Variants in TOMM40 observed in about 807,000 individuals in gnomAD.
The protein encoded by TOMM40 is translocase of outer mitochondrial membrane 40, also known as mitochondrial import receptor subunit TOM40 homolog.
TOMM40 carries 9 observed loss-of-function variants against 38.4 expected under a neutral mutation model. That is an observed-to-expected ratio of 0.23 (90% CI 0.14 to 0.41). The LOEUF (loss-of-function observed/expected upper bound fraction) is 0.41, where lower values mean the gene tolerates loss of function less well. TOMM40 is among the 10% of genes least tolerant of loss of function. TOMM40 has a pLI of 1.00. For synonymous variants in TOMM40, 184 were observed against 210.0 expected (o/e 0.88, Z 1.07); for missense variants, 299 against 486.5 (o/e 0.61, Z 3.63).
intron 3 of TOMM40, 101 bp downstream of exon 3, chr19:44,893,030 C>T (rs746320410): frequency 1.4e-5 from 13 of 943,616 alleles, no homozygotes; most frequent in Admixed American, 2.4e-5. Context: ...TCACAGCTAC[C>T]GAGAGCCTGG....
rs748290952 is a variant in TOMM40 at position 44,900,824 on chromosome 19, T to A, written c.738T>A (p.Thr246=). 4 of 1,614,006 alleles carry A rather than the reference T, an allele frequency of 2.5e-6. No individual in the cohort carries two copies. The African/African-American group carries it at 5.3e-5, about 22-fold the overall frequency. Residue 246 remains threonine (T), a synonymous_variant, in exon 6 of 9, where the codon ACT becomes ACA. Coordinates refer to ENST00000426677, the MANE Select transcript of TOMM40 (RefSeq NM_001128917.2). ...ACCGGCGGCCTGGAGAGGAGGGCAC[T>A]GTCATGTCTCTAGCTGGGAAATACA... ...VYHRRPGEEG[T]VMSLAGKYTL... is the part of the protein sequence containing the mutation.
chr19:44,900,605 G>A (rs766570526), intron 5 of TOMM40, 125 bp from the exon 6 acceptor site: 611 of 1,565,872 alleles, frequency 3.9e-4, no homozygotes, highest in Non-Finnish European at 5.0e-4. Flanking sequence ...GGAGAAAGGA[G>A]CCCTTGAGGG....
rs1969485125 is a variant in TOMM40 at position 44,892,471 on chromosome 19, C to T, written c.342+11C>T. Reference sequence around the variant, plus strand: ...AGTAACCATTTTCAGGTGAGCCTTCCTGGTGTCCTTACCCACCAGAGATCG... The same window carrying T: ...AGTAACCATTTTCAGGTGAGCCTTCTTGGTGTCCTTACCCACCAGAGATCG... On this transcript the variant is annotated intron_variant, in intron 2 of 8. Transcript: ENST00000426677. 1 of 1,611,866 alleles carries T rather than the reference C, an allele frequency of 6.2e-7. No homozygotes were observed. Among genetic ancestry groups the T allele is most frequent in the African/African-American group, 1.3e-5 (1 of 74,832 alleles).
chr19:44,891,457 G>A lies in TOMM40; in HGVS notation c.42G>A (p.Pro14=). ...CTGCCAGCTCGCCGCCCGCAGGGCC[G>A]CCACCGCCGCCTGCGCCGGCCCTCG... ...VLAASSPPAG[P]PPPPAPALVG... The change falls in exon 1 of 9, where the codon CCG becomes CCA. Residue 14 remains proline (P), a synonymous_variant. Coordinates refer to ENST00000426677, the MANE Select transcript of TOMM40 (RefSeq NM_001128917.2). The A allele has an allele frequency of 1.5e-6, 2 of 1,296,808 alleles. No homozygotes were observed. The highest frequency in any genetic ancestry group is 9.7e-7 in the Non-Finnish European group (1 of 1,028,180). The allele number at this position is 1,296,808 out of a possible 1,614,324, so 80.3% of individuals were successfully genotyped here.
chr19:44,898,521 T>TC (rs1555789171), intron 5 of TOMM40, among the ~76,000 whole-genome samples: 1 of 138,574 alleles, frequency 7.2e-6, no homozygotes, highest in Admixed American at 7.1e-5. Flanking sequence ...CTTTTTTTTT[T>TC]TTTCTTTTTT....
At chr19:44,893,932 GC>G in intron 4 of TOMM40, 28 bp from the exon 5 acceptor site, 2 of 1,600,042 alleles carry the variant, frequency 1.2e-6, no homozygotes, top group East Asian at 4.5e-5. Context: ...TGAGCAGGGA[GC>G]CGCCCTCACA....
At chr19:44,892,509 C>G (rs757722717) in intron 2 of TOMM40, 49 bp downstream of exon 2, 7 of 1,566,870 alleles carry the variant, frequency 4.5e-6, no homozygotes, top group Non-Finnish European at 5.3e-6. Flanking sequence ...CCCGCCGTCC[C>G]CCTCCCTGCA....
intron 3 of TOMM40, among the ~76,000 whole-genome samples, 170 bp from the exon 4 acceptor site, chr19:44,893,607 TGGG>T (rs1222785862): frequency 6.6e-6 from 1 of 152,182 alleles, no homozygotes; most frequent in East Asian, 1.9e-4. Flanking sequence ...AAGGCTGACA[TGGG>T]GGAACCCAAA....
At position 44,901,107 on chromosome 19, in the gene TOMM40, G is replaced by A; in HGVS notation, c.843+3G>A. 6.2e-7 allele frequency: 1 copy of A among 1,614,268 alleles called. No individual in the cohort carries two copies. The highest frequency in any genetic ancestry group is 8.5e-7 in the Non-Finnish European group (1 of 1,180,050). Reference sequence around the variant, plus strand: ...ACTACCACAAAGCCAGTGACCAGGTGAGTGGGTGCAGGGACTAGCTGGTGC... The same window carrying A: ...ACTACCACAAAGCCAGTGACCAGGTAAGTGGGTGCAGGGACTAGCTGGTGC... On this transcript the variant is annotated splice_donor_region_variant and intron_variant, in intron 7 of 8. Coordinates refer to ENST00000426677, the MANE Select transcript of TOMM40 (RefSeq NM_001128917.2).
chr19:44,892,702 C>G lies in TOMM40; in HGVS notation c.343-135C>G, dbSNP rs1040889197. The G allele has an allele frequency of 4.9e-6, 4 of 814,556 alleles. No homozygotes were observed. The East Asian group carries it at 1.1e-4, about 22-fold the overall frequency. The allele number at this position is 814,556 out of a possible 1,614,324, so 50.5% of individuals were successfully genotyped here. A position where few individuals can be genotyped will look rare whatever the true frequency, so the allele number is the denominator to read the frequency against. ...GTCTGTGGGCCTACCGGCAGCACCT[C>G]CTTTCTCTGAGTCTCTTAGTCAGGC... On this transcript the variant is annotated intron_variant, in intron 2 of 8. Transcript: ENST00000426677.
Position 44,894,050 on chromosome 19 carries a change from C to T in TOMM40, c.627C>T (p.Asp209=), listed in dbSNP as rs112849259. The part of the protein sequence containing the change: ...FTAAVTLGNP[D]VLVGSGILVA... ...CAGCCGTCACCCTGGGGAACCCAGA[C>T]GTCCTCGTGGGTTCAGGTAAGAGGC... The change falls in exon 5 of 9, where the codon GAC becomes GAT. Residue 209 remains aspartate, a synonymous_variant. Transcript: ENST00000426677. 0.025 allele frequency: 38,317 copies of T among 1,516,110 alleles called. 534 individuals carry two copies. Among genetic ancestry groups the T allele is most frequent in the African/African-American group, 0.045 (3,211 of 71,808 alleles). The allele number at this position is 1,516,110 out of a possible 1,614,324, so 93.9% of individuals were successfully genotyped here. A position where few individuals can be genotyped will look rare whatever the true frequency, so the allele number is the denominator to read the frequency against.
chr19:44,891,707 C>T lies in TOMM40; in HGVS notation c.274+18C>T, dbSNP rs1969469809. Reference sequence around the variant, plus strand: ...GTGCAAGGGTGAGGGGCGAGGGGCCCCCGCTGGGCTGCGATGGCCTGGATC... The same window carrying T: ...GTGCAAGGGTGAGGGGCGAGGGGCCTCCGCTGGGCTGCGATGGCCTGGATC... On this transcript the variant is annotated intron_variant, in intron 1 of 8. Transcript: ENST00000426677. 2 of 1,435,774 alleles carry T rather than the reference C, an allele frequency of 1.4e-6. No individual in the cohort carries two copies. Among genetic ancestry groups the T allele is most frequent in the African/African-American group, 3.0e-5 (2 of 67,296 alleles). 88.9% of individuals were successfully genotyped at this position (1,435,774 alleles called of 1,614,324 possible).
At chr19:44,895,815 G>A (rs1358334931) in intron 5 of TOMM40, among the ~76,000 whole-genome samples, 3 of 152,082 alleles carry the variant, frequency 2.0e-5, no homozygotes, top group Non-Finnish European at 4.4e-5. Context: ...CCAAAGTGCT[G>A]GGATTACAGG....
At position 44,903,508 on chromosome 19, in the gene TOMM40, G is replaced by A. The variant is rs981300744; in HGVS notation, c.*339G>A. On this transcript the variant is annotated 3_prime_UTR_variant, in exon 9 of 9. Coordinates refer to ENST00000426677, the MANE Select transcript of TOMM40 (RefSeq NM_001128917.2). ...TGTCCTGGCGTCCCCATCCTCCAAA[G>A]GGCCTGGGCCCGCCCCGAGGGGGCA... 1.4e-4 allele frequency: 35 copies of A among 243,964 alleles called. No individual in the cohort carries two copies. The highest frequency in any genetic ancestry group is 8.4e-4 in the East Asian group (7 of 8,316). 15.1% of individuals were successfully genotyped at this position (243,964 alleles called of 1,614,324 possible). A position where few individuals can be genotyped will look rare whatever the true frequency, so the allele number is the denominator to read the frequency against.
Position 44,901,218 on chromosome 19 carries a change from G to T in TOMM40, c.854G>T (p.Gly285Val). 6.2e-7 allele frequency: 1 copy of T among 1,614,154 alleles called. No homozygotes were observed. The highest frequency in any genetic ancestry group is 1.1e-5 in the South Asian group (1 of 91,070). ...CTCCGGCCCCTCCAGCTGCAGGTGG[G>T]TGTGGAGTTTGAGGCCAGCACAAGG... ...YHKASDQLQV[G>V]VEFEASTRMQ... The change falls in exon 8 of 9, where the codon GGT (glycine) becomes GTT (valine). Residue 285 changes from glycine to valine, a missense_variant. By Grantham distance (109) the Gly-to-Val change is moderately radical (BLOSUM62 -3). Transcript: ENST00000426677.
At chr19:44,893,045 G>GCAATCCCCATCTCCA in intron 3 of TOMM40, 116 bp downstream of exon 3, 1 of 795,002 alleles carries the variant, frequency 1.3e-6, no homozygotes, top group Non-Finnish European at 2.0e-6. Flanking sequence ...GCCTGGAGAT[G>GCAATCCCCATCTCCA]GGGATTGCAT....
At chr19:44,900,008 A>G (rs770547584) in intron 5 of TOMM40, among the ~76,000 whole-genome samples, 34 of 151,782 alleles carry the variant, frequency 2.2e-4, no homozygotes, top group Non-Finnish European at 4.4e-4. Context: ...TTCTGGCCCT[A>G]TAAAATCACA....
chr19:44,892,605 C>A, intron 2 of TOMM40, 145 bp downstream of exon 2: 1 of 845,552 alleles, frequency 1.2e-6, no homozygotes, highest in African/African-American at 1.7e-5. Context: ...GCCAGACTGA[C>A]TACTCAGTTT....
At chr19:44,900,632 C>T in intron 5 of TOMM40, 98 bp from the exon 6 acceptor site, 1 of 1,601,458 alleles carries the variant, frequency 6.2e-7, no homozygotes, top group Non-Finnish European at 8.5e-7. Context: ...GAGAGCAAGC[C>T]CAAGCCTCCA....
Sources: gnomAD v4.1 joint callset for allele counts (sites outside exome capture counted in the v4.1 genomes callset) on GRCh38, gnomAD v4.1.1 for gene constraint, MANE v1.5 for transcripts, NCBI Gene and HGNC (gene_info 2026-07-23, HGNC 2026-07-21) for gene names.